Variants in PEX7 observed in about 807,000 individuals in gnomAD.
PEX7 encodes the protein peroxisomal biogenesis factor 7.
In PEX7, 34 loss-of-function variants were observed where a neutral mutation model predicts 47.5. The observed-to-expected ratio is 0.72, with a 90% CI of 0.54 to 0.95. The LOEUF (loss-of-function observed/expected upper bound fraction) is 0.95. PEX7 is among the 40% of genes least tolerant of loss of function. The pLI is 0.00. For synonymous variants in PEX7, 141 were observed against 148.8 expected (o/e 0.95, Z 0.38); for missense variants, 394 against 400.3 (o/e 0.98, Z 0.13).
intron 9 of PEX7, among the ~76,000 whole-genome samples, chr6:136,903,258 C>T (rs1268221657): frequency 6.6e-6 from 1 of 152,074 alleles, no homozygotes; most frequent in Non-Finnish European, 1.5e-5. Context: ...CCCTCCTTCC[C>T]AGTGGTAGCC....
At chr6:136,890,896 A>G (rs1234161249) in intron 8 of PEX7, among the ~76,000 whole-genome samples, 2 of 152,188 alleles carry the variant, frequency 1.3e-5, no homozygotes, top group Non-Finnish European at 2.9e-5. Flanking sequence ...GTTACGCTTC[A>G]GATGTACACA....
intron 9 of PEX7, among the ~76,000 whole-genome samples, chr6:136,908,323 C>G (rs1439156882): frequency 6.6e-6 from 1 of 152,136 alleles, no homozygotes; most frequent in Admixed American, 6.5e-5. Flanking sequence ...TATATGGCAT[C>G]TTACCCTATT....
chr6:136,899,867 A>T (rs936000978), intron 9 of PEX7, among the ~76,000 whole-genome samples: 1 of 152,262 alleles, frequency 6.6e-6, no homozygotes, highest in African/African-American at 2.4e-5. Context: ...CAAATGAACT[A>T]GTTCCTTTTC....
In PEX7 at chr6:136,823,262, G is replaced by A. The variant is rs1041344189; in HGVS notation, c.130+467G>A. On this transcript the variant is annotated intron_variant, in intron 1 of 9. Transcript: ENST00000318471. ...GCACTGAGCTGCGACCTGCGGGCTGGCCTTCCTAAGGACGATGCTCCTGAA... is the reference window on the plus strand; with the variant it reads ...GCACTGAGCTGCGACCTGCGGGCTGACCTTCCTAAGGACGATGCTCCTGAA... The A allele has an allele frequency of 9.1e-6, 9 of 985,306 alleles. No homozygotes were observed. In the African/African-American group the frequency reaches 1.4e-4, roughly 15 times the overall value. The allele number at this position is 985,306 out of a possible 1,614,324, so 61.0% of individuals were successfully genotyped here.
At chr6:136,830,466 C>T (rs1774273935) in intron 3 of PEX7, among the ~76,000 whole-genome samples, 1 of 152,094 alleles carries the variant, frequency 6.6e-6, no homozygotes, top group Non-Finnish European at 1.5e-5. Flanking sequence ...GAAAGAAAAA[C>T]ATGGACATTA....
chr6:136,898,040 G>T (rs1775682495), intron 8 of PEX7, 102 bp from the exon 9 acceptor site: 2 of 744,848 alleles, frequency 2.7e-6, no homozygotes, highest in African/African-American at 1.7e-5. Context: ...GGCTGAGCCT[G>T]TTTGGATAAA....
intron 6 of PEX7, among the ~76,000 whole-genome samples, 172 bp from the exon 7 acceptor site, chr6:136,869,718 T>A (rs1010592248): frequency 1.3e-5 from 2 of 152,224 alleles, no homozygotes; most frequent in African/African-American, 4.8e-5. Flanking sequence ...AGTTTTTTGC[T>A]ATTAATGTCT....
intron 5 of PEX7, among the ~76,000 whole-genome samples, chr6:136,852,912 A>G (rs1011804970): frequency 8.5e-6 from 1 of 117,946 alleles, no homozygotes; most frequent in South Asian, 3.4e-4. Context: ...TTCAAACTAT[A>G]CTACAAGGCT....
At chr6:136,874,124 A>G (rs1775227199) in intron 8 of PEX7, among the ~76,000 whole-genome samples, 1 of 152,208 alleles carries the variant, frequency 6.6e-6, no homozygotes, top group Non-Finnish European at 1.5e-5. Flanking sequence ...TACTTGCTTC[A>G]TAAAAAGAAT....
rs541648047 is a variant in PEX7, at chr6:136,846,589, C to T, written c.526+408C>T. Among the ~76,000 whole-genome samples the T allele has an allele frequency of 8.9e-3, 1,357 of 151,996 alleles. 14 individuals are homozygous for T. Among genetic ancestry groups the T allele is most frequent in the African/African-American group, 0.031 (1,296 of 41,424 alleles). On this transcript the variant is annotated intron_variant, in intron 5 of 9. Transcript: ENST00000318471. Reference sequence around the variant, plus strand: ...CTTCCCACCTATGAGTGAGAACATGCGGTGTTTGGTTTTCTGTCCTTGGAA... The same window carrying T: ...CTTCCCACCTATGAGTGAGAACATGTGGTGTTTGGTTTTCTGTCCTTGGAA...
intron 5 of PEX7, among the ~76,000 whole-genome samples, chr6:136,860,225 C>G (rs1774933875): frequency 6.6e-6 from 1 of 151,944 alleles, no homozygotes; most frequent in Non-Finnish European, 1.5e-5. Flanking sequence ...CTGAATGAGT[C>G]ATTGTACCAT....
chr6:136,912,526 A>G (rs140809482), intron 9 of PEX7, among the ~76,000 whole-genome samples: 2,001 of 152,188 alleles, frequency 0.013, 16 homozygotes, highest in South Asian at 0.031. Flanking sequence ...GTTGAAAGCC[A>G]TTTGTCCAAG....
Position 136,822,885 on chromosome 6 carries a change from C to G in PEX7, c.130+90C>G, listed in dbSNP as rs557181604. The G allele has an allele frequency of 6.9e-5, 84 of 1,223,716 alleles. No individual in the cohort carries two copies. The African/African-American group carries it at 1.3e-3, about 19-fold the overall frequency. The allele number at this position is 1,223,716 out of a possible 1,614,324, so 75.8% of individuals were successfully genotyped here. Reference sequence around the variant, plus strand: ...AGTTCCTCGCGCTCGAGGGAAAGCCCCTCTGAGCGTAGACGGTTCCGCGGG... The same window carrying G: ...AGTTCCTCGCGCTCGAGGGAAAGCCGCTCTGAGCGTAGACGGTTCCGCGGG... On this transcript the variant is annotated intron_variant, in intron 1 of 9. Transcript: ENST00000318471.
At chr6:136,855,030 G>A (rs2115190100) in intron 5 of PEX7, among the ~76,000 whole-genome samples, 1 of 151,892 alleles carries the variant, frequency 6.6e-6, no homozygotes, top group Middle Eastern at 3.4e-3. Flanking sequence ...GGAGATTGCA[G>A]TGAGCCGAGA....
At chr6:136,825,526 T>A (rs2115129850) in intron 2 of PEX7, among the ~76,000 whole-genome samples, 2 of 151,898 alleles carry the variant, frequency 1.3e-5, no homozygotes, top group African/African-American at 4.8e-5. Context: ...GAGGACCCCG[T>A]CTCTAAAAGA....
intron 7 of PEX7, 99 bp downstream of exon 7, chr6:136,870,102 T>TA: frequency 1.3e-6 from 1 of 745,706 alleles, no homozygotes; most frequent in African/African-American, 1.8e-5. Context: ...GGATTGGAGT[T>TA]ACTAATTCTT....
intron 5 of PEX7, among the ~76,000 whole-genome samples, chr6:136,860,707 C>T (rs936009834): frequency 7.9e-5 from 12 of 151,464 alleles, no homozygotes; most frequent in African/African-American, 2.9e-4. Flanking sequence ...TGGAACAAAA[C>T]CTCCCAACCT....
intron 8 of PEX7, among the ~76,000 whole-genome samples, 194 bp from the exon 9 acceptor site, chr6:136,897,948 A>G (rs1201300891): frequency 6.6e-6 from 1 of 151,486 alleles, no homozygotes; most frequent in African/African-American, 2.4e-5. Flanking sequence ...TTTTTTTTAT[A>G]TATATAATAG....
chr6:136,885,952 G>C (rs1232559006), intron 8 of PEX7, among the ~76,000 whole-genome samples: 1 of 152,178 alleles, frequency 6.6e-6, no homozygotes, highest in Non-Finnish European at 1.5e-5. Flanking sequence ...ACATGGGATT[G>C]TTGTGATGGT....
Sources: allele counts gnomAD v4.1 joint callset (sites outside exome capture counted in the v4.1 genomes callset), GRCh38; gene constraint gnomAD v4.1.1; transcripts MANE v1.5; gene names NCBI Gene and HGNC (gene_info 2026-07-23, HGNC 2026-07-21).